SREK1: variants seen among roughly 807,000 people sequenced by gnomAD.
SREK1 encodes splicing regulatory glutamic acid and lysine rich protein 1.
Under a neutral mutation model 66.5 loss-of-function variants are expected in SREK1, and 13 were observed. That is an observed-to-expected ratio of 0.20 (90% CI 0.13 to 0.31). SREK1 has a LOEUF of 0.31. Ranked by LOEUF, SREK1 falls within the 10% of genes least tolerant of loss-of-function variation. The pLI, the probability that SREK1 is intolerant of heterozygous loss-of-function variation, is 1.00. For synonymous variants in SREK1, 265 were observed against 263.5 expected (o/e 1.01, Z -0.05); for missense variants, 607 against 769.6 (o/e 0.79, Z 2.50).
rs914386483 is a variant in SREK1 at position 66,180,273 on chromosome 5, G to A, written c.*1405G>A. ...GTTTTTCCCCAGTACTATAACTTGT[G>A]GTTTCTGAACTCATTATTGTTGTAT... On this transcript the variant is annotated 3_prime_UTR_variant, in exon 12 of 12. Transcript: ENST00000334121. The A allele has an allele frequency of 6.6e-6, 1 of 152,390 alleles. No individual in the cohort carries two copies. The highest frequency in any genetic ancestry group is 6.6e-5 in the Admixed American group (1 of 15,236). The allele number at this position is 152,390 out of a possible 1,614,324, so 9.4% of individuals were successfully genotyped here.
chr5:66,170,558 T>C (rs773688643), intron 8 of SREK1, 27 bp from the exon 9 acceptor site: 1 of 1,571,694 alleles, frequency 6.4e-7, no homozygotes, highest in South Asian at 1.2e-5. Context: ...ATTTTAGTTA[T>C]GAATTTATTT....
chr5:66,159,216 C>T lies in SREK1; in HGVS notation c.296-3C>T, dbSNP rs374967229. 3.6e-5 allele frequency: 58 copies of T among 1,607,410 alleles called. No individual in the cohort carries two copies. The highest frequency in any genetic ancestry group is 4.6e-5 in the Non-Finnish European group (54 of 1,177,954). ...TTGTAATGTTTGGAACTTGCCTCTG[C>T]AGGTAAAATCCCAGAGGAATCCAAA... On this transcript the variant is annotated splice_region_variant and splice_polypyrimidine_tract_variant and intron_variant, in intron 2 of 11. Transcript: ENST00000334121.
intron 1 of SREK1, 97 bp downstream of exon 1, chr5:66,144,634 A>C: frequency 6.9e-7 from 1 of 1,442,674 alleles, no homozygotes; most frequent in Non-Finnish European, 9.1e-7. Context: ...CGCGCGGTGC[A>C]TGTCACGTGA....
At chr5:66,151,081 T>C (rs1202866868) in intron 1 of SREK1, among the ~76,000 whole-genome samples, 1 of 152,180 alleles carries the variant, frequency 6.6e-6, no homozygotes, top group East Asian at 1.9e-4. Flanking sequence ...CATCAGGTGA[T>C]CTGCCTGCCT....
Position 66,175,011 on chromosome 5 carries a change from G to A in SREK1, c.1550G>A (p.Arg517Lys), listed in dbSNP as rs1745941372. The change falls in exon 10 of 12, where the codon AGG becomes AAG. Residue 517 changes from arginine to lysine, a missense_variant. This residue lies in a region of SREK1 where 318 missense variants were observed against 310.3 expected (regional missense o/e 1.02). Coordinates refer to ENST00000334121, the MANE Select transcript of SREK1 (RefSeq NM_001077199.3). Reference protein sequence around the residue: ...RSPRTSKTIKRKSSRSPSPRS... With the variant: ...RSPRTSKTIKKKSSRSPSPRS... ...CCAAGAACATCAAAAACCATAAAAA[G>A]GAAATCTTCTAGATCTCCGTCCCCC... 1 of 1,612,600 alleles carries A rather than the reference G, an allele frequency of 6.2e-7. No homozygotes were observed. Among genetic ancestry groups the A allele is most frequent in the South Asian group, 1.1e-5 (1 of 90,828 alleles).
intron 3 of SREK1, among the ~76,000 whole-genome samples, chr5:66,160,581 C>A (rs1018434472): frequency 1.3e-5 from 2 of 151,886 alleles, no homozygotes; most frequent in African/African-American, 4.8e-5. Context: ...GCTTTTTAGA[C>A]CATGGAAAGA....
intron 1 of SREK1, among the ~76,000 whole-genome samples, chr5:66,149,091 C>T (rs1431659932): frequency 2.6e-5 from 4 of 152,186 alleles, no homozygotes; most frequent in African/African-American, 9.7e-5. Context: ...CAGTGGCCCA[C>T]GCCTGTAATC....
At chr5:66,173,660 A>G (rs1034003553) in intron 9 of SREK1, among the ~76,000 whole-genome samples, 2 of 152,220 alleles carry the variant, frequency 1.3e-5, no homozygotes, top group African/African-American at 4.8e-5. Flanking sequence ...TTAGACATCC[A>G]CTTGTACATA....
chr5:66,152,290 T>C (rs1050162945), intron 1 of SREK1, among the ~76,000 whole-genome samples: 2 of 152,264 alleles, frequency 1.3e-5, no homozygotes, highest in Admixed American at 6.5e-5. Flanking sequence ...TTAACCGTTA[T>C]TAATGTGGTT....
Position 66,179,588 on chromosome 5 carries a change from T to C in SREK1, c.*720T>C, listed in dbSNP as rs1034582946. 1 of 152,522 alleles carries C rather than the reference T, an allele frequency of 6.6e-6. No homozygotes were observed. The highest frequency in any genetic ancestry group is 6.6e-5 in the Admixed American group (1 of 15,236). 9.4% of individuals were successfully genotyped at this position (152,522 alleles called of 1,614,324 possible). A position where few individuals can be genotyped will look rare whatever the true frequency, so the allele number is the denominator to read the frequency against. ...AATTAGTATTCAGTGTTTAGAATCA[T>C]TGGGACTACCCACAAAGTGAGCATT... is the stretch of plus-strand genomic sequence containing the variant. On this transcript the variant is annotated 3_prime_UTR_variant, in exon 12 of 12. Coordinates refer to ENST00000334121, the MANE Select transcript of SREK1 (RefSeq NM_001077199.3).
intron 3 of SREK1, among the ~76,000 whole-genome samples, chr5:66,160,233 T>G (rs1744638668): frequency 6.6e-6 from 1 of 152,192 alleles, no homozygotes; most frequent in Admixed American, 6.5e-5. Flanking sequence ...AAAGACAACA[T>G]AGAACAAAAT....
intron 1 of SREK1, among the ~76,000 whole-genome samples, chr5:66,147,672 T>TA (rs761981523): frequency 3.2e-4 from 48 of 151,944 alleles, no homozygotes; most frequent in Admixed American, 5.9e-4. Context: ...TTTATTTAGT[T>TA]AAAAAAAATG....
At chr5:66,174,901 T>C in intron 9 of SREK1, 45 bp from the exon 10 acceptor site, 1 of 1,570,390 alleles carries the variant, frequency 6.4e-7, no homozygotes, top group African/African-American at 1.3e-5. Flanking sequence ...AATTGCCGTT[T>C]ATTTCAATTG....
intron 3 of SREK1, among the ~76,000 whole-genome samples, chr5:66,161,746 C>G (rs1256114141): frequency 6.6e-6 from 1 of 152,038 alleles, no homozygotes; most frequent in African/African-American, 2.4e-5. Flanking sequence ...GTAAATGTGA[C>G]CAGAGGCTTG....
chr5:66,152,756 A>G (rs1743952067), intron 1 of SREK1, among the ~76,000 whole-genome samples: 1 of 152,226 alleles, frequency 6.6e-6, no homozygotes. Flanking sequence ...TGACAAAATG[A>G]TTATCCATGA....
intron 9 of SREK1, among the ~76,000 whole-genome samples, chr5:66,171,389 C>CATA (rs1213916658): frequency 2.0e-5 from 3 of 152,084 alleles, no homozygotes; most frequent in African/African-American, 7.2e-5. Context: ...TTGTTAAGTG[C>CATA]ATAACATTTA....
At chr5:66,159,163 T>A in intron 2 of SREK1, 56 bp from the exon 3 acceptor site, 1 of 1,564,384 alleles carries the variant, frequency 6.4e-7, no homozygotes. Flanking sequence ...AAAATCATAG[T>A]GTAAAGTTTG....
intron 2 of SREK1, chr5:66,156,698 G>A (rs1236999909): frequency 3.0e-6 from 3 of 984,778 alleles, no homozygotes; most frequent in African/African-American, 1.8e-5. Flanking sequence ...TAACAATCTG[G>A]GAGTAAAGAA....
At chr5:66,149,075 C>G (rs140201473) in intron 1 of SREK1, among the ~76,000 whole-genome samples, 1 of 152,096 alleles carries the variant, frequency 6.6e-6, no homozygotes, top group Admixed American at 6.5e-5. Flanking sequence ...GAAAATTGGC[C>G]GGGTGCAGTG....
Sources: gnomAD v4.1 joint callset for allele counts (sites outside exome capture counted in the v4.1 genomes callset) on GRCh38, gnomAD v4.1.1 for gene constraint, gnomAD v4.1.1 regional missense constraint, MANE v1.5 for transcripts, NCBI Gene and HGNC (gene_info 2026-07-23, HGNC 2026-07-21) for gene names.